The following BIN1 variants were observed in gnomAD, a reference collection of about 807,000 sequenced individuals.
The protein encoded by BIN1 is myc box-dependent-interacting protein 1.
In BIN1, 53 loss-of-function variants were observed where a neutral mutation model predicts 82.0. The observed-to-expected ratio is 0.65, with a 90% CI of 0.52 to 0.81. The LOEUF is 0.81. BIN1 is among the 40% of genes least tolerant of loss of function. BIN1 has a pLI of 0.00. For missense variants in BIN1, 642 were observed against 784.4 expected, an observed-to-expected ratio of 0.82 and a Z score of 2.17; for synonymous variants, 302 against 328.0, an observed-to-expected ratio of 0.92 and a Z score of 0.86.
intron 1 of BIN1, among the ~76,000 whole-genome samples, chr2:127,097,152 C>T (rs913191591): frequency 2.0e-5 from 3 of 152,202 alleles, no homozygotes; most frequent in African/African-American, 7.2e-5. Flanking sequence ...TCTGACCCAG[C>T]TCTGCAACAA....
chr2:127,071,228 G>C (rs368634484), intron 2 of BIN1, among the ~76,000 whole-genome samples: 7 of 152,332 alleles, frequency 4.6e-5, no homozygotes, highest in African/African-American at 1.4e-4. Context: ...TATGGGCAAG[G>C]CAGGTGTGGT....
chr2:127,105,471 CCTCCTCCT>C (rs1558896880), intron 1 of BIN1, among the ~76,000 whole-genome samples: 98 of 142,688 alleles, frequency 6.9e-4, no homozygotes, highest in Middle Eastern at 3.5e-3. Flanking sequence ...TTTAATCCCT[CCTCCTCCT>C]CCTCCTCCTC....
In BIN1 at chr2:127,059,289, T is replaced by TCTAAAAAAGGCAAATAGAG; in HGVS notation, c.858-135_858-134insCTCTATTTGCCTTTTTTAG. On this transcript the variant is annotated intron_variant, in intron 10 of 18. Coordinates refer to ENST00000316724, the MANE Select transcript of BIN1 (RefSeq NM_139343.3). The surrounding 1 kb of genome is among the most constrained non-coding windows in gnomAD (Gnocchi z 6.7). ...GTGAAACTGTGTGTGTGTGTGTGTGTGTGTATGTGAGAGAGAGCAGGAGGG... is the reference window on the plus strand; with the variant it reads ...GTGAAACTGTGTGTGTGTGTGTGTGTCTAAAAAAGGCAAATAGAGGTGTATGTGAGAGAGAGCAGGAGGG... The TCTAAAAAAGGCAAATAGAG allele has an allele frequency of 1.1e-6, 1 of 886,366 alleles. No individual in the cohort carries two copies. Among genetic ancestry groups the TCTAAAAAAGGCAAATAGAG allele is most frequent in the Non-Finnish European group, 1.6e-6 (1 of 606,814 alleles). The allele number at this position is 886,366 out of a possible 1,614,324, so 54.9% of individuals were successfully genotyped here.
rs1393060781 is a variant in BIN1, at chr2:127,068,543, T to C, written c.520-288A>G. Among the ~76,000 whole-genome samples, 1 of 152,136 alleles carries C rather than the reference T, an allele frequency of 6.6e-6. No individual in the cohort carries two copies. Among genetic ancestry groups the C allele is most frequent in the African/African-American group, 2.4e-5 (1 of 41,430 alleles). On this transcript the variant is annotated intron_variant, in intron 6 of 18. Transcript: ENST00000316724. The surrounding 1 kb of genome is among the most constrained non-coding windows in gnomAD (Gnocchi z 4.9). ...GCCACCCCAGCCCCTCACCAAAGGA[T>C]GAGTGGGGCCAGCTCTGCACCTACT...
intron 1 of BIN1, among the ~76,000 whole-genome samples, chr2:127,078,140 C>T (rs946692829): frequency 6.6e-6 from 1 of 152,246 alleles, no homozygotes; most frequent in Non-Finnish European, 1.5e-5. Context: ...AGGACCCTTC[C>T]CACCCTGCCG....
At position 127,053,904 on chromosome 2, in the gene BIN1, CCTGA is replaced by C. The variant is rs1558799701; in HGVS notation, c.1236_1239del (p.Ser414PhefsTer88). ...CATGGGCAGTGGTGGGCACAACCAA[CCTGA>C]CCAGAGGGCGTGGGTGCCTTCACAG... On this transcript the variant is annotated frameshift_variant and splice_region_variant, in exon 13 of 19. Coordinates refer to ENST00000316724, the MANE Select transcript of BIN1 (RefSeq NM_139343.3). LOFTEE classifies it high-confidence loss of function. 1.9e-6 allele frequency: 3 copies of C among 1,550,982 alleles called. No homozygotes were observed.
At chr2:127,106,207 G>A (rs1681096518) in intron 1 of BIN1, among the ~76,000 whole-genome samples, 1 of 152,220 alleles carries the variant, frequency 6.6e-6, no homozygotes, top group African/African-American at 2.4e-5. Flanking sequence ...CTGGGGCGAG[G>A]GCACCTCCTT....
chr2:127,097,086 T>C (rs1679695961), intron 1 of BIN1, among the ~76,000 whole-genome samples: 1 of 152,204 alleles, frequency 6.6e-6, no homozygotes, highest in African/African-American at 2.4e-5. Context: ...GGGTCTGTCC[T>C]GGAGCCAGGG....
At chr2:127,071,706 CGTGCAAAGA>C (rs1332094068) in intron 2 of BIN1, among the ~76,000 whole-genome samples, 1 of 152,078 alleles carries the variant, frequency 6.6e-6, no homozygotes, top group African/African-American at 2.4e-5. Flanking sequence ...CCAGAAGCCA[CGTGCAAAGA>C]GTGGGCTGCA....
At chr2:127,063,537 G>A (rs1231663850) in intron 9 of BIN1, 34 bp downstream of exon 9, 1 of 1,603,490 alleles carries the variant, frequency 6.2e-7, no homozygotes, top group Non-Finnish European at 8.5e-7. Flanking sequence ...GCCAGGGTGG[G>A]GTGTGGCCCC....
At chr2:127,055,677 T>G (rs1683560423) in intron 12 of BIN1, 1 of 151,116 alleles carries the variant, frequency 6.6e-6, no homozygotes, top group Non-Finnish European at 1.5e-5. Context: ...GCAATATCCG[T>G]CATGTGCTGA....
At chr2:127,054,254 A>C in intron 12 of BIN1, 3 of 537,476 alleles carry the variant, frequency 5.6e-6, no homozygotes, top group Non-Finnish European at 1.0e-5. Flanking sequence ...TCCCGCCCAC[A>C]CCAGGAGGAC....
intron 1 of BIN1, among the ~76,000 whole-genome samples, chr2:127,100,594 G>T (rs1359212521): frequency 6.6e-6 from 1 of 152,228 alleles, no homozygotes; most frequent in Non-Finnish European, 1.5e-5. Flanking sequence ...AGTGATGATG[G>T]CATGCAGCCA....
intron 1 of BIN1, among the ~76,000 whole-genome samples, chr2:127,092,648 C>A (rs1679081766): frequency 6.6e-6 from 1 of 152,222 alleles, no homozygotes; most frequent in African/African-American, 2.4e-5. Context: ...CCGGGCAAGT[C>A]ACCAGCCTTC....
chr2:127,051,093 C>T, intron 16 of BIN1, 61 bp downstream of exon 16: 7 of 1,598,988 alleles, frequency 4.4e-6, no homozygotes, highest in African/African-American at 1.3e-5. Context: ...CACAGGGGAG[C>T]CCCGGACAGG....
intron 11 of BIN1, 138 bp downstream of exon 11, chr2:127,058,873 C>T: frequency 7.4e-7 from 1 of 1,342,522 alleles, no homozygotes; most frequent in Non-Finnish European, 1.0e-6. Context: ...CCAGGCCCAA[C>T]CCCCACTGGG....
rs1054781428 is a variant in BIN1 at position 127,090,607 on chromosome 2, C to A, written c.85-13901G>T. Among the ~76,000 whole-genome samples the A allele has an allele frequency of 4.6e-5, 7 of 152,254 alleles. No individual in the cohort carries two copies. Among genetic ancestry groups the A allele is most frequent in the African/African-American group, 1.7e-4 (7 of 41,470 alleles). Reference sequence around the variant, plus strand: ...CAGCCCACCCGCCTCCCACCCTCATCACCTGCTTCCTGAGCTCAGTGGGGG... The same window carrying A: ...CAGCCCACCCGCCTCCCACCCTCATAACCTGCTTCCTGAGCTCAGTGGGGG... On this transcript the variant is annotated intron_variant, in intron 1 of 18. Coordinates refer to ENST00000316724, the MANE Select transcript of BIN1 (RefSeq NM_139343.3). The surrounding 1 kb of genome is among the most constrained non-coding windows in gnomAD (Gnocchi z 6.4).
Position 127,053,445 on chromosome 2 carries a change from A to G in BIN1, c.1240T>C (p.Ser414Pro). The G allele has an allele frequency of 6.2e-7, 1 of 1,613,892 alleles. No individual in the cohort carries two copies. Among genetic ancestry groups the G allele is most frequent in the Non-Finnish European group, 8.5e-7 (1 of 1,179,902 alleles). ...ACCTCCCAGAGGTCCCATGGAATTG[A>G]CTGAGCGCAGCAGTGAGGGCGAGAA... ...PVKAPTPSGQ[S>P]IPWDLWEPTE... The change falls in exon 14 of 19, where the codon TCA becomes CCA. Residue 414 changes from serine to proline, a missense_variant and splice_region_variant. Transcript: ENST00000316724.
intron 2 of BIN1, among the ~76,000 whole-genome samples, chr2:127,073,933 G>A (rs550379120): frequency 5.9e-5 from 9 of 152,292 alleles, no homozygotes; most frequent in South Asian, 4.1e-4. Flanking sequence ...AGAAGGCAGC[G>A]ATGCTACTGT....
Sources: gnomAD v4.1 joint callset for allele counts (sites outside exome capture counted in the v4.1 genomes callset) on GRCh38, gnomAD v4.1.1 for gene constraint, Gnocchi (gnomAD v3.1) non-coding constraint, MANE v1.5 for transcripts, NCBI Gene and HGNC (gene_info 2026-07-23, HGNC 2026-07-21) for gene names.